Variants in PTPN13 observed in about 807,000 individuals in gnomAD.
PTPN13 encodes tyrosine-protein phosphatase non-receptor type 13.
In PTPN13, 191 loss-of-function variants were observed where a neutral mutation model predicts 284.0. The ratio of observed to expected loss-of-function variants is 0.67; its 90% CI spans 0.60 to 0.76. The LOEUF is 0.76. Among genes scored for constraint, PTPN13 ranks in the 30% least tolerant of loss-of-function variants. The probability of loss-of-function intolerance (pLI) is 0.00; values close to 1 mark genes in which losing one functional copy is unlikely to be tolerated. For missense variants in PTPN13, 2,797 were observed against 2,939.9 expected, an observed-to-expected ratio of 0.95 and a Z score of 1.12; for synonymous variants, 986 against 1,022.3, an observed-to-expected ratio of 0.96 and a Z score of 0.68.
intron 15 of PTPN13, 89 bp downstream of exon 15, chr4:86,735,835 G>A: frequency 8.7e-7 from 1 of 1,154,058 alleles, no homozygotes; most frequent in Non-Finnish European, 1.2e-6. Flanking sequence ...GAGTTCAAGT[G>A]CCAGTAACTG....
intron 41 of PTPN13, among the ~76,000 whole-genome samples, chr4:86,797,907 C>G (rs1261728246): frequency 6.6e-6 from 1 of 151,662 alleles, no homozygotes; most frequent in Admixed American, 6.6e-5. Flanking sequence ...TCAAAAAGTT[C>G]ATGAAAAAAT....
intron 1 of PTPN13, among the ~76,000 whole-genome samples, chr4:86,611,668 C>T (rs1719902818): frequency 6.6e-6 from 1 of 152,096 alleles, no homozygotes; most frequent in African/African-American, 2.4e-5. Context: ...AGAGAGTTTC[C>T]AGGCTGCGGC....
intron 1 of PTPN13, among the ~76,000 whole-genome samples, chr4:86,617,843 A>G (rs1033880054): frequency 6.6e-6 from 1 of 152,100 alleles, no homozygotes; most frequent in Non-Finnish European, 1.5e-5. Context: ...TCAGATGAGT[A>G]GATTGCAAAA....
At chr4:86,801,612 G>A (rs2149367445) in intron 42 of PTPN13, among the ~76,000 whole-genome samples, 1 of 152,250 alleles carries the variant, frequency 6.6e-6, no homozygotes, top group African/African-American at 2.4e-5. Context: ...CATTATTTTA[G>A]ATTATCAGTC....
At chr4:86,655,505 T>A (rs1255844278) in intron 2 of PTPN13, among the ~76,000 whole-genome samples, 6 of 152,154 alleles carry the variant, frequency 3.9e-5, no homozygotes, top group East Asian at 1.9e-4. Context: ...TTATGAAGCT[T>A]AGTTTGGCTG....
chr4:86,766,122 C>T (rs978822357), intron 26 of PTPN13, among the ~76,000 whole-genome samples: 3 of 150,542 alleles, frequency 2.0e-5, no homozygotes, highest in Admixed American at 1.3e-4. Context: ...GCCTCTGAGC[C>T]CAGCCTGATA....
At chr4:86,717,847 C>A (rs941919537) in intron 9 of PTPN13, among the ~76,000 whole-genome samples, 1 of 152,006 alleles carries the variant, frequency 6.6e-6, no homozygotes. Context: ...TACTAAGTAA[C>A]CTATTATGTA....
In PTPN13 at chr4:86,774,422, G is replaced by T. The variant is rs775679421; in HGVS notation, c.5399G>T (p.Gly1800Val). The change falls in exon 33 of 48, where the codon GGT becomes GTT. Residue 1800 changes from glycine (G) to valine (V), a missense_variant. Gly to Val is a moderately radical substitution (Grantham distance 109, BLOSUM62 -3). Transcript: ENST00000411767. ...ATTAAATCAGAAAAAGGAAGCCTGG[G>T]TTTTACAGTAACCAAAGGCAATCAG... ...TLIKSEKGSL[G>V]FTVTKGNQRI... 3.7e-6 allele frequency: 6 copies of T among 1,606,576 alleles called. No individual in the cohort carries two copies. Among genetic ancestry groups the T allele is most frequent in the Non-Finnish European group, 3.4e-6 (4 of 1,176,284 alleles).
chr4:86,785,730 A>T (rs1578666902), intron 39 of PTPN13, 118 bp from the exon 40 acceptor site: 5 of 520,968 alleles, frequency 9.6e-6, no homozygotes, highest in Non-Finnish European at 1.6e-5. Flanking sequence ...TAGTTAAAAC[A>T]TTGAAACTAT....
At chr4:86,661,084 C>T in intron 2 of PTPN13, 1 of 453,600 alleles carries the variant, frequency 2.2e-6, no homozygotes, top group South Asian at 1.6e-5. Context: ...TGCACTCATA[C>T]AATTACCACC....
At chr4:86,754,078 C>G (rs1283663797) in intron 20 of PTPN13, among the ~76,000 whole-genome samples, 1 of 151,986 alleles carries the variant, frequency 6.6e-6, no homozygotes, top group Non-Finnish European at 1.5e-5. Flanking sequence ...CATACTAATT[C>G]TTTAAGACAG....
At chr4:86,604,890 G>A (rs1035644206) in intron 1 of PTPN13, among the ~76,000 whole-genome samples, 1 of 151,862 alleles carries the variant, frequency 6.6e-6, no homozygotes, top group Admixed American at 6.6e-5. Flanking sequence ...ACAGAGAAAA[G>A]ACAGGAAGCC....
At chr4:86,701,869 G>T in intron 7 of PTPN13, 68 bp downstream of exon 7, 2 of 1,405,220 alleles carry the variant, frequency 1.4e-6, no homozygotes, top group East Asian at 2.5e-5. Flanking sequence ...AATAAAGAAG[G>T]GTTATTAAAT....
chr4:86,626,716 A>G (rs1353049724), intron 1 of PTPN13, among the ~76,000 whole-genome samples: 2 of 152,142 alleles, frequency 1.3e-5, no homozygotes, highest in Non-Finnish European at 2.9e-5. Flanking sequence ...AATTAAAAAT[A>G]CAATTACCAT....
chr4:86,726,870 A>G (rs1369375677), intron 10 of PTPN13, among the ~76,000 whole-genome samples: 2 of 149,418 alleles, frequency 1.3e-5, no homozygotes, highest in African/African-American at 4.9e-5. Flanking sequence ...GTGGTGAGAG[A>G]GGGCATCCTT....
intron 1 of PTPN13, among the ~76,000 whole-genome samples, chr4:86,607,613 C>T (rs10031843): frequency 0.23 from 34,343 of 151,760 alleles, 4,027 homozygotes; most frequent in East Asian, 0.3. Context: ...CTCCAGTCAG[C>T]TATCATAACT....
intron 2 of PTPN13, among the ~76,000 whole-genome samples, chr4:86,658,630 TGA>T (rs1255392839): frequency 6.6e-6 from 1 of 152,104 alleles, no homozygotes; most frequent in Non-Finnish European, 1.5e-5. Flanking sequence ...ACTAAAAATA[TGA>T]GAGAGTTTAG....
intron 17 of PTPN13, among the ~76,000 whole-genome samples, chr4:86,749,845 G>A (rs142504575): frequency 2.0e-5 from 3 of 152,146 alleles, no homozygotes; most frequent in South Asian, 4.1e-4. Context: ...GGTGGGTTTG[G>A]CATAGTAGTG....
chr4:86,627,884 G>T (rs1722018308), intron 1 of PTPN13, among the ~76,000 whole-genome samples: 1 of 152,234 alleles, frequency 6.6e-6, no homozygotes, highest in South Asian at 2.1e-4. Context: ...GTTGTCACAT[G>T]TATCAGTAAT....
Sources: gnomAD v4.1 joint callset for allele counts (sites outside exome capture counted in the v4.1 genomes callset) on GRCh38, gnomAD v4.1.1 for gene constraint, MANE v1.5 for transcripts, NCBI Gene and HGNC (gene_info 2026-07-23, HGNC 2026-07-21) for gene names.